HOMER2: variants seen among roughly 807,000 people sequenced by gnomAD.
HOMER2 encodes the protein homer protein homolog 2.
In HOMER2, 27 loss-of-function variants were observed where a neutral mutation model predicts 47.0. The ratio of observed to expected loss-of-function variants is 0.57; its 90% CI spans 0.42 to 0.79. HOMER2 has a LOEUF of 0.79. HOMER2 is among the 30% of genes least tolerant of loss of function. The probability of loss-of-function intolerance (pLI) is 0.00; values close to 1 mark genes in which losing one functional copy is unlikely to be tolerated. For missense variants in HOMER2, 443 were observed against 435.0 expected (o/e 1.02, Z -0.16); for synonymous variants, 161 against 163.8 (o/e 0.98, Z 0.13).
intron 1 of HOMER2, among the ~76,000 whole-genome samples, chr15:82,967,702 C>T (rs2054687528): frequency 6.6e-6 from 1 of 152,002 alleles, no homozygotes; most frequent in Non-Finnish European, 1.5e-5. Context: ...GGTGAAACCC[C>T]ACCTCTACTA....
chr15:82,882,069 G>A (rs1482640857), intron 2 of HOMER2, among the ~76,000 whole-genome samples: 12 of 152,202 alleles, frequency 7.9e-5, no homozygotes, highest in East Asian at 1.9e-4. Flanking sequence ...GGAGTTGGCC[G>A]TTCTGCCTAA....
Position 82,928,940 on chromosome 15 carries a change from T to TAAAAAAAAAAAAA in HOMER2, c.5+23578_5+23590dup. On this transcript the variant is annotated intron_variant, in intron 1 of 8. Coordinates refer to ENST00000450735, the MANE Select transcript of HOMER2 (RefSeq NM_004839.4). Reference sequence around the variant, plus strand: ...TAACAACTGGCAAAAAAATAAAAACTAAAAAAAAAAAAAAAAAAAAGCTGT... The same window carrying TAAAAAAAAAAAAA: ...TAACAACTGGCAAAAAAATAAAAACTAAAAAAAAAAAAAAAAAAAAAAAAAAAAAAAAAGCTGT... 3.3e-4 allele frequency among the ~76,000 whole-genome samples: 13 copies of TAAAAAAAAAAAAA among 39,918 alleles called. 1 individual carries two copies. The highest frequency in any genetic ancestry group is 2.7e-3 in the East Asian group (3 of 1,126). The allele number at this position is 39,918 out of a possible 152,430, so 26.2% of individuals were successfully genotyped here.
At chr15:82,870,855 A>G (rs2052153202) in intron 3 of HOMER2, among the ~76,000 whole-genome samples, 1 of 152,230 alleles carries the variant, frequency 6.6e-6, no homozygotes, top group Non-Finnish European at 1.5e-5. Flanking sequence ...TGCACTGGCA[A>G]CGCCATCCTG....
intron 1 of HOMER2, among the ~76,000 whole-genome samples, chr15:82,964,770 A>C (rs537592231): frequency 6.6e-6 from 1 of 152,228 alleles, no homozygotes; most frequent in East Asian, 1.9e-4. Flanking sequence ...ACTCCATCTC[A>C]AAAAAACAAA....
rs559351689 is a variant in HOMER2 at position 82,861,936 on chromosome 15, GGCAGAGGTTGCAGTGA to G, written c.387+2215_387+2230del. ...GCAGGAGAATCCCTTGAACTTGGGAGGCAGAGGTTGCAGTGAGCAGAGGTTGCAGTGAGCAGAGGTT... is the reference window on the plus strand; with the variant it reads ...GCAGGAGAATCCCTTGAACTTGGGAGGCAGAGGTTGCAGTGAGCAGAGGTT... On this transcript the variant is annotated intron_variant, in intron 4 of 8. Coordinates refer to ENST00000450735, the MANE Select transcript of HOMER2 (RefSeq NM_004839.4). Among the ~76,000 whole-genome samples the G allele has an allele frequency of 3.9e-3, 592 of 152,272 alleles. 3 individuals carry two copies. The highest frequency in any genetic ancestry group is 0.012 in the African/African-American group (496 of 41,548).
At chr15:82,984,743 G>A (rs2030531052) in intron 1 of HOMER2, among the ~76,000 whole-genome samples, 1 of 152,176 alleles carries the variant, frequency 6.6e-6, no homozygotes, top group South Asian at 2.1e-4. Context: ...CTGAGCCCAG[G>A]AAGTCGAGGC....
exon 2 of HOMER2, chr15:82,840,509 C>T (rs2151582228): frequency 6.6e-6 from 1 of 152,092 alleles, no homozygotes; most frequent in Middle Eastern, 3.4e-3. Context: ...GCTCTGTGTC[C>T]CAGGCATGCT....
intron 2 of HOMER2, among the ~76,000 whole-genome samples, chr15:82,880,507 G>T (rs1344774966): frequency 6.6e-6 from 1 of 152,134 alleles, no homozygotes; most frequent in African/African-American, 2.4e-5. Context: ...GTACATATGG[G>T]TTTGCTTTAT....
chr15:82,922,751 A>G (rs1596357175), intron 1 of HOMER2, among the ~76,000 whole-genome samples: 1 of 152,138 alleles, frequency 6.6e-6, no homozygotes, highest in South Asian at 2.1e-4. Flanking sequence ...CTTCTGAGCC[A>G]AAATCCAAGT....
At chr15:82,940,136 G>A (rs1644923634) in intron 1 of HOMER2, among the ~76,000 whole-genome samples, 1 of 152,050 alleles carries the variant, frequency 6.6e-6, no homozygotes, top group South Asian at 2.1e-4. Flanking sequence ...GTTAATGGGT[G>A]CAGCACACCA....
rs139759125 is a variant in HOMER2 at position 82,922,214 on chromosome 15, C to T, written c.6-29373G>A. ...TGTATGAGCACCACTGCCCCTGACA[C>T]AGATCTGCCAGGACACTTTAAGGAA... On this transcript the variant is annotated intron_variant, in intron 1 of 8. Transcript: ENST00000450735. Among the ~76,000 whole-genome samples the T allele has an allele frequency of 6.6e-4, 100 of 152,306 alleles. 1 individual carries two copies. The East Asian group carries it at 0.018, about 27-fold the overall frequency.
intron 1 of HOMER2, among the ~76,000 whole-genome samples, chr15:82,911,341 G>C (rs1567049039): frequency 6.6e-6 from 1 of 152,082 alleles, no homozygotes; most frequent in East Asian, 1.9e-4. Flanking sequence ...TGGTTCCCAG[G>C]TACCTACCCT....
chr15:82,879,806 T>G (rs1022808018), intron 2 of HOMER2, among the ~76,000 whole-genome samples: 1 of 152,204 alleles, frequency 6.6e-6, no homozygotes, highest in African/African-American at 2.4e-5. Context: ...CTCTGTAGCA[T>G]GCAATGCTAC....
intron 1 of HOMER2, among the ~76,000 whole-genome samples, chr15:82,898,744 A>G (rs1413048402): frequency 6.6e-6 from 1 of 152,264 alleles, no homozygotes. Flanking sequence ...TCTGCAAAGA[A>G]TTAGCACGAC....
In HOMER2 at chr15:82,849,689, G is replaced by A. The variant is rs779001466; in HGVS notation, c.*26C>T. 1.1e-4 allele frequency: 184 copies of A among 1,601,512 alleles called. 1 individual carries two copies. The highest frequency in any genetic ancestry group is 8.9e-4 in the Middle Eastern group (5 of 5,620). On this transcript the variant is annotated 3_prime_UTR_variant, in exon 9 of 9. Transcript: ENST00000450735. ...TCTCGCACACACGCTTGGGACTCAC[G>A]GGCGGGGCCTGGGCCTCGGCCAGCC... is the stretch of plus-strand genomic sequence containing the variant.
chr15:82,964,951 T>C (rs533759638), intron 1 of HOMER2, among the ~76,000 whole-genome samples: 1 of 152,350 alleles, frequency 6.6e-6, no homozygotes, highest in East Asian at 1.9e-4. Flanking sequence ...AGTTTCTTTA[T>C]TCTTTGTTTT....
intron 1 of HOMER2, among the ~76,000 whole-genome samples, chr15:82,921,131 C>CA (rs1325933578): frequency 6.6e-6 from 1 of 152,032 alleles, no homozygotes; most frequent in Non-Finnish European, 1.5e-5. Context: ...CCCATCTCTA[C>CA]AAAAAATACA....
intron 1 of HOMER2, among the ~76,000 whole-genome samples, chr15:82,936,981 A>C (rs1357619591): frequency 6.6e-6 from 1 of 152,178 alleles, no homozygotes. Flanking sequence ...AGGGGCCTGG[A>C]CCAAAAATAT....
At chr15:82,863,354 C>T (rs1049372037) in intron 4 of HOMER2, among the ~76,000 whole-genome samples, 1 of 152,178 alleles carries the variant, frequency 6.6e-6, no homozygotes, top group Non-Finnish European at 1.5e-5. Context: ...CGTCCACCAA[C>T]TACTCAAGAA....
Sources: allele counts gnomAD v4.1 joint callset (sites outside exome capture counted in the v4.1 genomes callset), GRCh38; gene constraint gnomAD v4.1.1; transcripts MANE v1.5; gene names NCBI Gene and HGNC (gene_info 2026-07-23, HGNC 2026-07-21).